The following UNC13C variants were observed in gnomAD, a reference collection of about 807,000 sequenced individuals.
UNC13C encodes the protein unc-13 homolog C.
UNC13C carries 174 observed loss-of-function variants against 245.4 expected under a neutral mutation model. The observed-to-expected ratio is 0.71, with a 90% confidence interval of 0.63 to 0.80. The LOEUF is 0.80. Among genes scored for constraint, UNC13C ranks in the 30% least tolerant of loss-of-function variants. The pLI is 0.00. For synonymous variants in UNC13C, 992 were observed against 895.1 expected (o/e 1.11, Z -1.93); for missense variants, 2,829 against 2,602.9 (o/e 1.09, Z -1.89).
the UNC13C span, among the ~76,000 whole-genome samples, chr15:53,950,553 A>C: frequency 2.0e-5 from 3 of 152,118 alleles, no homozygotes; most frequent in Non-Finnish European, 4.4e-5. Flanking sequence ...AGAATACAAT[A>C]GCTGGGAAAT....
intron 19 of UNC13C, among the ~76,000 whole-genome samples, chr15:54,458,360 C>T (rs901057702): frequency 4.6e-5 from 7 of 151,972 alleles, no homozygotes; most frequent in African/African-American, 1.4e-4. Context: ...GTATATTCTG[C>T]AGTTGTTGGT....
intron 13 of UNC13C, among the ~76,000 whole-genome samples, chr15:54,305,603 G>C (rs554774864): frequency 6.6e-6 from 1 of 151,778 alleles, no homozygotes; most frequent in Non-Finnish European, 1.5e-5. Context: ...TTGCATCAGG[G>C]AACAACAACA....
In UNC13C at chr15:54,318,395, C is replaced by T. The variant is rs558582033; in HGVS notation, c.4269-3544C>T. Among the ~76,000 whole-genome samples the T allele has an allele frequency of 3.1e-4, 47 of 152,002 alleles. 1 individual carries two copies. Among genetic ancestry groups the T allele is most frequent in the African/African-American group, 1.1e-3 (46 of 41,532 alleles). ...CATCCTTGCAAAACACTTCTTACCTCTTATCTTTTGGGTAATAGCCATTCT... is the reference window on the plus strand; with the variant it reads ...CATCCTTGCAAAACACTTCTTACCTTTTATCTTTTGGGTAATAGCCATTCT... On this transcript the variant is annotated intron_variant, in intron 13 of 32. Coordinates refer to ENST00000260323, the MANE Select transcript of UNC13C (RefSeq NM_001080534.3).
intron 7 of UNC13C, among the ~76,000 whole-genome samples, chr15:54,247,670 T>C (rs1222951109): frequency 1.3e-5 from 2 of 152,158 alleles, no homozygotes; most frequent in Non-Finnish European, 2.9e-5. Flanking sequence ...AATGTTTTAA[T>C]GTTTTTCTCT....
intron 2 of UNC13C, among the ~76,000 whole-genome samples, chr15:54,027,785 CT>C (rs754006574): frequency 0.059 from 8,339 of 140,864 alleles, 622 homozygotes; most frequent in African/African-American, 0.18. Context: ...TGCACATTTC[CT>C]TTTTTTTTTT....
In UNC13C at chr15:54,012,996, A is replaced by C. The variant is rs1566947740; in HGVS notation, c.93A>C (p.Lys31Asn). ...CAAAGAAATTGGGAAATACAAACAA[A>C]AACAAAGAGTATCGTCAGCAGAAAA... The part of the protein sequence containing the change: ...MFTKKLGNTN[K>N]NKEYRQQKKD... Residue 31 changes from lysine to asparagine, a missense_variant, in exon 2 of 33, where the codon AAA becomes AAC. By Grantham distance (94) the Lys-to-Asn change is moderately conservative (BLOSUM62 0). Coordinates refer to ENST00000260323, the MANE Select transcript of UNC13C (RefSeq NM_001080534.3). 1 of 1,613,926 alleles carries C rather than the reference A, an allele frequency of 6.2e-7. No homozygotes were observed. The highest frequency in any genetic ancestry group is 8.5e-7 in the Non-Finnish European group (1 of 1,179,854).
intron 17 of UNC13C, among the ~76,000 whole-genome samples, chr15:54,355,075 C>G (rs747452238): frequency 1.3e-5 from 2 of 152,154 alleles, no homozygotes; most frequent in Non-Finnish European, 2.9e-5. Context: ...TGTGCCCCCT[C>G]CAGACTCTAC....
chr15:54,532,954 A>G lies in UNC13C; in HGVS notation c.5584A>G (p.Ser1862Gly). ...AATTGAAGAGTGTATAAAACAGATG[A>G]GTTTCGAACTAAATCAAATGAGAGC... ...VIIEECIKQMSFELNQMRANG... is the reference protein window; with the variant it reads ...VIIEECIKQMGFELNQMRANG... The change falls in exon 26 of 33, where the codon AGT (serine) becomes GGT (glycine). Residue 1862 changes from serine to glycine, a missense_variant. Ser to Gly is a moderately conservative substitution (Grantham distance 56). Transcript: ENST00000260323. The G allele has an allele frequency of 6.3e-7, 1 of 1,584,876 alleles. No homozygotes were observed. Among genetic ancestry groups the G allele is most frequent in the Non-Finnish European group, 8.6e-7 (1 of 1,159,948 alleles).
chr15:53,968,955 C>A, the UNC13C span, among the ~76,000 whole-genome samples: 1 of 152,150 alleles, frequency 6.6e-6, no homozygotes, highest in East Asian at 1.9e-4. Flanking sequence ...TCCCCACAAT[C>A]CCTATCTTTT....
intron 17 of UNC13C, among the ~76,000 whole-genome samples, chr15:54,369,970 G>A (rs960366718): frequency 6.6e-6 from 1 of 152,052 alleles, no homozygotes; most frequent in African/African-American, 2.4e-5. Context: ...GTTTTTAAGG[G>A]TGGCGAGAAA....
chr15:53,890,811 C>T, the UNC13C span, among the ~76,000 whole-genome samples: 1 of 151,714 alleles, frequency 6.6e-6, no homozygotes, highest in African/African-American at 2.4e-5. Flanking sequence ...TTTAAAAAAA[C>T]CAGCTCCTGG....
intron 2 of UNC13C, among the ~76,000 whole-genome samples, chr15:54,118,366 A>G (rs1210394495): frequency 6.6e-6 from 1 of 151,146 alleles, no homozygotes; most frequent in African/African-American, 2.4e-5. Context: ...TAGATATTTT[A>G]CTTCTTTGGT....
At chr15:54,501,018 G>A (rs780363929) in intron 22 of UNC13C, 40 bp downstream of exon 22, 41 of 1,597,490 alleles carry the variant, frequency 2.6e-5, no homozygotes, top group Admixed American at 1.0e-4. Context: ...CTCTGGGTCT[G>A]TGGCAATCTG....
chr15:54,480,675 A>G (rs762566637), intron 19 of UNC13C, among the ~76,000 whole-genome samples: 19 of 151,956 alleles, frequency 1.3e-4, no homozygotes, highest in Admixed American at 3.3e-4. Context: ...CTTTAGTATT[A>G]CCATTTTTAA....
intron 19 of UNC13C, among the ~76,000 whole-genome samples, chr15:54,438,201 C>T (rs889936980): frequency 3.3e-5 from 5 of 151,824 alleles, no homozygotes; most frequent in African/African-American, 1.2e-4. Flanking sequence ...GGTGTAGTCC[C>T]ATAGAACTTC....
intron 2 of UNC13C, among the ~76,000 whole-genome samples, chr15:54,043,886 A>G (rs1363518738): frequency 2.0e-5 from 3 of 152,214 alleles, no homozygotes; most frequent in Non-Finnish European, 2.9e-5. Context: ...TTAGGCTTTA[A>G]TTTCAGAATA....
At chr15:54,105,081 G>A (rs1900367749) in intron 2 of UNC13C, among the ~76,000 whole-genome samples, 4 of 152,090 alleles carry the variant, frequency 2.6e-5, no homozygotes, top group Admixed American at 2.6e-4. Context: ...ATGGTTTCTG[G>A]GAGCAGGATG....
At chr15:54,212,425 G>A (rs191487266) in intron 4 of UNC13C, among the ~76,000 whole-genome samples, 263 of 152,194 alleles carry the variant, frequency 1.7e-3, no homozygotes, top group South Asian at 5.8e-3. Flanking sequence ...ATCATATACA[G>A]TCACTGGAAA....
intron 2 of UNC13C, among the ~76,000 whole-genome samples, chr15:54,112,237 T>C (rs1900816622): frequency 1.3e-5 from 2 of 152,074 alleles, no homozygotes; most frequent in South Asian, 4.2e-4. Context: ...TGAACACTTG[T>C]GGAGTGAGGT....
Sources: gnomAD v4.1 joint callset for allele counts (sites outside exome capture counted in the v4.1 genomes callset) on GRCh38, gnomAD v4.1.1 for gene constraint, MANE v1.5 for transcripts, NCBI Gene and HGNC (gene_info 2026-07-23, HGNC 2026-07-21) for gene names.